Variants in PHACTR1 observed in about 807,000 individuals in gnomAD.
PHACTR1 encodes the protein RPEL repeat containing 1.
Under a neutral mutation model 69.2 loss-of-function variants are expected in PHACTR1, and 16 were observed. The observed-to-expected ratio is 0.23, with a 90% CI of 0.16 to 0.35. The LOEUF (loss-of-function observed/expected upper bound fraction) is 0.35. Among genes scored for constraint, PHACTR1 ranks in the 10% least tolerant of loss-of-function variants. The pLI is 1.00. For synonymous variants in PHACTR1, 312 were observed against 284.5 expected, an observed-to-expected ratio of 1.10 and a Z score of -0.97; for missense variants, 510 against 734.7, an observed-to-expected ratio of 0.69 and a Z score of 3.54.
chr6:13,041,761 T>C (rs1301197928), intron 4 of PHACTR1, among the ~76,000 whole-genome samples: 2 of 152,064 alleles, frequency 1.3e-5, no homozygotes, highest in Non-Finnish European at 2.9e-5. Flanking sequence ...TTGCAAAGGT[T>C]GAATCAAAAA....
At chr6:13,012,061 G>A (rs750263851) in intron 4 of PHACTR1, among the ~76,000 whole-genome samples, 1 of 152,234 alleles carries the variant, frequency 6.6e-6, no homozygotes, top group African/African-American at 2.4e-5. Flanking sequence ...GGTACCAAGA[G>A]GGATCGAGAT....
chr6:13,116,682 T>A (rs999487911), intron 5 of PHACTR1, among the ~76,000 whole-genome samples: 19 of 152,214 alleles, frequency 1.2e-4, no homozygotes, highest in African/African-American at 4.3e-4. Context: ...TTTTTGTAAG[T>A]GTGTAATATT....
intron 4 of PHACTR1, among the ~76,000 whole-genome samples, chr6:12,895,889 A>G (rs1272679227): frequency 2.6e-5 from 4 of 152,212 alleles, no homozygotes; most frequent in Non-Finnish European, 4.4e-5. Context: ...AGGACTGAGA[A>G]ACTCTGCTTT....
At chr6:13,166,207 G>A (rs942547668) in intron 6 of PHACTR1, among the ~76,000 whole-genome samples, 2 of 152,114 alleles carry the variant, frequency 1.3e-5, no homozygotes, top group African/African-American at 4.8e-5. Flanking sequence ...CTTACTCTGC[G>A]ACCACCAAGT....
intron 4 of PHACTR1, among the ~76,000 whole-genome samples, chr6:12,770,110 C>T (rs904537432): frequency 6.6e-6 from 1 of 152,314 alleles, no homozygotes; most frequent in Middle Eastern, 3.4e-3. Flanking sequence ...GTCCTCTTGC[C>T]CTTTCCTTTG....
chr6:13,053,611 G>A (rs770164361), intron 5 of PHACTR1, 82 bp downstream of exon 5: 4 of 1,473,586 alleles, frequency 2.7e-6, no homozygotes, highest in Non-Finnish European at 3.7e-6. Context: ...AATTGCAATA[G>A]GCTGTTTGAA....
intron 5 of PHACTR1, among the ~76,000 whole-genome samples, chr6:13,107,865 A>C (rs1484093874): frequency 6.6e-6 from 1 of 152,066 alleles, no homozygotes; most frequent in Non-Finnish European, 1.5e-5. Flanking sequence ...AAAATGAATG[A>C]ATGAACAACC....
At chr6:12,805,607 C>CTTTTTTTT (rs766185084) in intron 4 of PHACTR1, among the ~76,000 whole-genome samples, 1 of 149,828 alleles carries the variant, frequency 6.7e-6, no homozygotes, top group Non-Finnish European at 1.5e-5. Flanking sequence ...TTCTTTCTTT[C>CTTTTTTTT]TTTCTTTTTT....
intron 5 of PHACTR1, among the ~76,000 whole-genome samples, chr6:13,146,111 C>A (rs1272297752): frequency 6.6e-6 from 1 of 152,208 alleles, no homozygotes; most frequent in African/African-American, 2.4e-5. Context: ...AGCTCTGCAA[C>A]TTGGGCAGGT....
At chr6:12,837,106 C>T (rs1391576527) in intron 4 of PHACTR1, among the ~76,000 whole-genome samples, 2 of 152,144 alleles carry the variant, frequency 1.3e-5, no homozygotes, top group African/African-American at 2.4e-5. Flanking sequence ...CCTGCTGTCT[C>T]AGTGTAATTG....
At chr6:13,186,284 G>T (rs1762816826) in intron 7 of PHACTR1, among the ~76,000 whole-genome samples, 1 of 152,190 alleles carries the variant, frequency 6.6e-6, no homozygotes, top group Non-Finnish European at 1.5e-5. Flanking sequence ...ATTGAATGTT[G>T]CTGTACGTAT....
At chr6:12,924,960 T>C (rs576561663) in intron 4 of PHACTR1, among the ~76,000 whole-genome samples, 1 of 152,230 alleles carries the variant, frequency 6.6e-6, no homozygotes, top group Admixed American at 6.5e-5. Context: ...CCTCAATACA[T>C]ACCATTTATG....
chr6:13,196,065 A>G (rs548870105), intron 7 of PHACTR1, among the ~76,000 whole-genome samples: 4 of 152,278 alleles, frequency 2.6e-5, no homozygotes, highest in South Asian at 4.1e-4. Flanking sequence ...AGTTTTATGA[A>G]TACACTGCAT....
chr6:13,230,019 C>A lies in PHACTR1; in HGVS notation c.1235-18C>A, dbSNP rs1206339797. On this transcript the variant is annotated intron_variant, in intron 9 of 14. Coordinates refer to ENST00000332995, the MANE Select transcript of PHACTR1 (RefSeq NM_030948.6). ...GCAGATATGTAAGCCTTAATTGACTCATTTCTGTCTCCTACAGGCTCCCTG... is the reference window on the plus strand; with the variant it reads ...GCAGATATGTAAGCCTTAATTGACTAATTTCTGTCTCCTACAGGCTCCCTG... 14 of 1,592,598 alleles carry A rather than the reference C, an allele frequency of 8.8e-6. No homozygotes were observed. Among genetic ancestry groups the A allele is most frequent in the East Asian group, 2.3e-5 (1 of 44,250 alleles).
At chr6:13,011,035 C>T (rs2127644742) in intron 4 of PHACTR1, among the ~76,000 whole-genome samples, 1 of 152,294 alleles carries the variant, frequency 6.6e-6, no homozygotes, top group South Asian at 2.1e-4. Context: ...CATCCTGGGC[C>T]CTTCTTCACA....
At chr6:12,959,176 C>CAAAAAAAAAAAAAAAAAAAA (rs70989814) in intron 4 of PHACTR1, among the ~76,000 whole-genome samples, 4 of 46,240 alleles carry the variant, frequency 8.7e-5, no homozygotes, top group East Asian at 7.1e-4. Context: ...GACTTTATCT[C>CAAAAAAAAAAAAAAAAAAAA]AAAAAAAAAA....
At chr6:13,123,168 G>A (rs1818999139) in intron 5 of PHACTR1, among the ~76,000 whole-genome samples, 1 of 152,184 alleles carries the variant, frequency 6.6e-6, no homozygotes, top group South Asian at 2.1e-4. Flanking sequence ...TTCACCTAAA[G>A]CCAGCTCAGC....
At position 12,874,334 on chromosome 6, in the gene PHACTR1, A is replaced by C. The variant is rs557457184; in HGVS notation, c.250+124544A>C. Among the ~76,000 whole-genome samples, 3 of 152,292 alleles carry C rather than the reference A, an allele frequency of 2.0e-5. No homozygotes were observed. In the East Asian group the frequency reaches 5.8e-4, roughly 29 times the overall value. On this transcript the variant is annotated intron_variant, in intron 4 of 14. Coordinates refer to ENST00000332995, the MANE Select transcript of PHACTR1 (RefSeq NM_030948.6). ...CAGTAAGGGGCATCTGAGAGTTGAG[A>C]ATAAGGGGAGAGCTGAACTCATGGC...
intron 3 of PHACTR1, among the ~76,000 whole-genome samples, chr6:12,727,583 A>G (rs944637559): frequency 6.6e-6 from 1 of 152,218 alleles, no homozygotes; most frequent in African/African-American, 2.4e-5. Context: ...ACTAATTTCA[A>G]TCAATTAATC....
Sources: gnomAD v4.1 joint callset for allele counts (sites outside exome capture counted in the v4.1 genomes callset) on GRCh38, gnomAD v4.1.1 for gene constraint, MANE v1.5 for transcripts, NCBI Gene and HGNC (gene_info 2026-07-23, HGNC 2026-07-21) for gene names.